ULK4: variants seen among roughly 807,000 people sequenced by gnomAD.
ULK4 encodes inactive serine/threonine-protein kinase ULK4.
Under a neutral mutation model 160.6 loss-of-function variants are expected in ULK4, and 133 were observed. The ratio of observed to expected loss-of-function variants is 0.83; its 90% CI spans 0.72 to 0.96. The LOEUF is 0.96. Ranked by LOEUF, ULK4 falls within the 40% of genes least tolerant of loss-of-function variation. The pLI is 0.00. For missense variants in ULK4, 1,580 were observed against 1,499.5 expected (o/e 1.05, Z -0.89); for synonymous variants, 534 against 539.8 (o/e 0.99, Z 0.15).
intron 34 of ULK4, among the ~76,000 whole-genome samples, chr3:41,447,577 C>T (rs191652714): frequency 2.0e-3 from 297 of 152,264 alleles, no homozygotes; most frequent in Non-Finnish European, 2.9e-3. Flanking sequence ...CAAATCTAAA[C>T]ATTGAATGTC....
intron 35 of ULK4, among the ~76,000 whole-genome samples, chr3:41,280,307 A>C (rs541788311): frequency 6.6e-6 from 1 of 152,326 alleles, no homozygotes; most frequent in African/African-American, 2.4e-5. Flanking sequence ...CACCAAGTGG[A>C]CCTAATAGAC....
At chr3:41,558,167 T>A (rs1349315901) in intron 32 of ULK4, among the ~76,000 whole-genome samples, 1 of 152,150 alleles carries the variant, frequency 6.6e-6, no homozygotes, top group African/African-American at 2.4e-5. Flanking sequence ...ATAAAACTAT[T>A]CATTGTAGAA....
intron 32 of ULK4, among the ~76,000 whole-genome samples, chr3:41,543,413 T>A (rs918641612): frequency 6.6e-6 from 1 of 152,010 alleles, no homozygotes; most frequent in Non-Finnish European, 1.5e-5. Context: ...GAAGATGAGA[T>A]CTGGGAGGAT....
intron 31 of ULK4, among the ~76,000 whole-genome samples, chr3:41,599,916 CAAA>C (rs759627613): frequency 6.6e-6 from 1 of 152,130 alleles, no homozygotes; most frequent in Non-Finnish European, 1.5e-5. Context: ...TTAATATCTA[CAAA>C]ACTAAAAAAT....
intron 32 of ULK4, among the ~76,000 whole-genome samples, chr3:41,533,690 G>T (rs926628504): frequency 6.6e-6 from 1 of 152,202 alleles, no homozygotes; most frequent in Non-Finnish European, 1.5e-5. Context: ...TGGCCCACAA[G>T]TCTTAAATAT....
At chr3:41,491,214 A>C (rs955094729) in intron 32 of ULK4, among the ~76,000 whole-genome samples, 1 of 152,216 alleles carries the variant, frequency 6.6e-6, no homozygotes, top group Non-Finnish European at 1.5e-5. Context: ...AAAACATGTC[A>C]ATTCTTCCTA....
At chr3:41,815,946 AG>A (rs544586362) in intron 19 of ULK4, among the ~76,000 whole-genome samples, 3 of 152,164 alleles carry the variant, frequency 2.0e-5, no homozygotes, top group Non-Finnish European at 2.9e-5. Context: ...CAAATCATAA[AG>A]GAATAGATAA....
chr3:41,249,707 C>T, intron 35 of ULK4, 133 bp from the exon 36 acceptor site: 1 of 873,618 alleles, frequency 1.1e-6, no homozygotes, highest in Non-Finnish European at 1.8e-6. Context: ...GTCCCCTGGG[C>T]TTGTCTGTAA....
chr3:41,806,948 G>A (rs1236601797), intron 19 of ULK4, among the ~76,000 whole-genome samples: 1 of 152,002 alleles, frequency 6.6e-6, no homozygotes, highest in Non-Finnish European at 1.5e-5. Flanking sequence ...ATGAGTTTGA[G>A]ACCAGCCTGG....
chr3:41,562,625 G>T (rs971295654), intron 32 of ULK4, among the ~76,000 whole-genome samples: 1 of 152,142 alleles, frequency 6.6e-6, no homozygotes, highest in African/African-American at 2.4e-5. Context: ...GGCCTTCTCT[G>T]TCTCTTTTCA....
chr3:41,859,314 C>G (rs571668837), intron 17 of ULK4: 1 of 586,152 alleles, frequency 1.7e-6, no homozygotes, highest in African/African-American at 1.9e-5. Flanking sequence ...TCCTCGTGAC[C>G]TCAAAGACTG....
At chr3:41,785,510 G>A (rs950025812) in intron 21 of ULK4, among the ~76,000 whole-genome samples, 2 of 152,090 alleles carry the variant, frequency 1.3e-5, no homozygotes, top group Non-Finnish European at 2.9e-5. Flanking sequence ...TATTTAAAAG[G>A]AAGGGAATGG....
intron 22 of ULK4, among the ~76,000 whole-genome samples, chr3:41,750,044 G>A (rs2038561686): frequency 6.6e-6 from 1 of 152,150 alleles, no homozygotes; most frequent in South Asian, 2.1e-4. Context: ...AAGAACCAGC[G>A]AGCTTGGAAG....
At chr3:41,829,874 T>C (rs2041513573) in intron 18 of ULK4, among the ~76,000 whole-genome samples, 1 of 149,350 alleles carries the variant, frequency 6.7e-6, no homozygotes, top group South Asian at 2.1e-4. Flanking sequence ...TTATTCACAA[T>C]AGCAAAGACT....
intron 35 of ULK4, among the ~76,000 whole-genome samples, chr3:41,323,827 G>C (rs902414536): frequency 1.3e-5 from 2 of 152,140 alleles, no homozygotes; most frequent in East Asian, 3.9e-4. Context: ...CCAAGGCATA[G>C]AGAGACTTTA....
intron 31 of ULK4, among the ~76,000 whole-genome samples, chr3:41,608,686 G>A (rs1470127209): frequency 6.6e-6 from 1 of 152,150 alleles, no homozygotes; most frequent in Non-Finnish European, 1.5e-5. Flanking sequence ...TGAAACCAAA[G>A]TTGGCCAATG....
intron 30 of ULK4, among the ~76,000 whole-genome samples, chr3:41,618,039 T>C (rs192479479): frequency 6.6e-6 from 1 of 151,848 alleles, no homozygotes; most frequent in African/African-American, 2.4e-5. Flanking sequence ...GGAAGATCAA[T>C]TTACTGAAAT....
At chr3:41,272,978 G>C (rs2079164014) in intron 35 of ULK4, among the ~76,000 whole-genome samples, 1 of 152,128 alleles carries the variant, frequency 6.6e-6, no homozygotes, top group South Asian at 2.1e-4. Flanking sequence ...ATATGGAATA[G>C]AGTTGTAACT....
intron 31 of ULK4, among the ~76,000 whole-genome samples, chr3:41,599,834 G>A (rs1411716291): frequency 2.6e-5 from 4 of 151,828 alleles, no homozygotes; most frequent in Non-Finnish European, 4.4e-5. Context: ...CAAAGTGCTG[G>A]GATTACAGGC....
Sources: gnomAD v4.1 joint callset for allele counts (sites outside exome capture counted in the v4.1 genomes callset) on GRCh38, gnomAD v4.1.1 for gene constraint, MANE v1.5 for transcripts, NCBI Gene and HGNC (gene_info 2026-07-23, HGNC 2026-07-21) for gene names.